PDIA4: variants seen among roughly 807,000 people sequenced by gnomAD.
The protein encoded by PDIA4 is protein disulfide isomerase family A member 4.
PDIA4 carries 33 observed loss-of-function variants against 62.1 expected under a neutral mutation model. That is an observed-to-expected ratio of 0.53 (90% CI 0.40 to 0.71). PDIA4 has a LOEUF of 0.71. Among genes scored for constraint, PDIA4 ranks in the 30% least tolerant of loss-of-function variants. The pLI is 0.00. For synonymous variants in PDIA4, 341 were observed against 324.1 expected (o/e 1.05, Z -0.56); for missense variants, 804 against 813.6 (o/e 0.99, Z 0.14).
At chr7:149,008,388 C>T (rs924638056) in intron 6 of PDIA4, 78 bp from the exon 7 acceptor site, 2 of 1,448,996 alleles carry the variant, frequency 1.4e-6, no homozygotes, top group African/African-American at 1.4e-5. Context: ...CCACATCAGC[C>T]AAAGCAAATG....
chr7:149,012,121 C>T, intron 5 of PDIA4, 34 bp downstream of exon 5: 5 of 1,610,318 alleles, frequency 3.1e-6, no homozygotes, highest in Non-Finnish European at 4.2e-6. Context: ...GTTTCCCTTC[C>T]CCACTGTAGT....
chr7:149,019,210 T>A lies in PDIA4; in HGVS notation c.270-13A>T, dbSNP rs1363095132. ...GCAATGTCCACACCTAACAATTAGA[T>A]TAGGAAGGGCAAAAAACGTTAACTG... On this transcript the variant is annotated splice_polypyrimidine_tract_variant and intron_variant, in intron 2 of 9. Coordinates refer to ENST00000652332, the MANE Select transcript of PDIA4 (RefSeq NM_004911.5). 2.5e-6 allele frequency: 4 copies of A among 1,589,864 alleles called. No homozygotes were observed. Among genetic ancestry groups the A allele is most frequent in the South Asian group, 2.2e-5 (2 of 90,610 alleles).
In PDIA4 at chr7:149,012,138, G is replaced by A; in HGVS notation, c.820+17C>T. 2 of 1,613,610 alleles carry A rather than the reference G, an allele frequency of 1.2e-6. No homozygotes were observed. Among genetic ancestry groups the A allele is most frequent in the South Asian group, 1.1e-5 (1 of 91,066 alleles). ...TTCCCTTCCCCACTGTAGTGGGAGA[G>A]AAGGGAGTGGCCATACCATATTTTT... is the stretch of plus-strand genomic sequence containing the variant. On this transcript the variant is annotated intron_variant, in intron 5 of 9. Coordinates refer to ENST00000652332, the MANE Select transcript of PDIA4 (RefSeq NM_004911.5).
chr7:149,026,785 C>T (rs1055709364), intron 1 of PDIA4, among the ~76,000 whole-genome samples: 2 of 140,468 alleles, frequency 1.4e-5, no homozygotes, highest in South Asian at 2.4e-4. Flanking sequence ...GGCAACAATG[C>T]GTAACCTTAT....
intron 6 of PDIA4, among the ~76,000 whole-genome samples, chr7:149,009,460 T>A (rs1306881358): frequency 6.6e-6 from 1 of 152,158 alleles, no homozygotes; most frequent in East Asian, 1.9e-4. Flanking sequence ...TATGTGGAGT[T>A]TTCACACCCA....
Position 149,011,928 on chromosome 7 carries a change from G to C in PDIA4, c.897C>G (p.Phe299Leu), listed in dbSNP as rs372415891. The C allele has an allele frequency of 3.1e-6, 5 of 1,610,246 alleles. No individual in the cohort carries two copies. Among genetic ancestry groups the C allele is most frequent in the Non-Finnish European group, 4.2e-6 (5 of 1,177,916 alleles). The change falls in exon 6 of 10, where the codon TTC becomes TTG. Residue 299 changes from phenylalanine to leucine, a missense_variant. Coordinates refer to ENST00000652332, the MANE Select transcript of PDIA4 (RefSeq NM_004911.5). Reference protein sequence around the residue: ...EILTLKQVQEFLKDGDDVIII... With the variant: ...EILTLKQVQELLKDGDDVIII... Reference sequence around the variant, plus strand: ...TGATGACATCGTCTCCATCCTTCAGGAACTCCTGGACCTGCTTCAGGGTCA... The same window carrying C: ...TGATGACATCGTCTCCATCCTTCAGCAACTCCTGGACCTGCTTCAGGGTCA...
chr7:149,019,403 C>G (rs934356654), intron 2 of PDIA4, among the ~76,000 whole-genome samples: 1 of 152,126 alleles, frequency 6.6e-6, no homozygotes, highest in East Asian at 1.9e-4. Flanking sequence ...TAGGCAAATG[C>G]ACTTTCACGA....
chr7:149,027,992 T>G, intron 1 of PDIA4: 1 of 543,410 alleles, frequency 1.8e-6, no homozygotes, highest in Non-Finnish European at 3.6e-6. Context: ...CTGACGAAAA[T>G]CTGTAAATTA....
chr7:149,012,257 C>T lies in PDIA4; in HGVS notation c.718G>A (p.Glu240Lys). Reference protein sequence around the residue: ...IPLAKVDATAETDLAKRFDVS... With the variant: ...IPLAKVDATAKTDLAKRFDVS... ...TCAAACCTCTTGGCCAGGTCTGTTT[C>T]TGCGGTGGCGTCGACCTTTGCCAGG... Residue 240 changes from glutamate (E) to lysine (K), a missense_variant, in exon 5 of 10, where the codon GAA becomes AAA. Transcript: ENST00000652332. 1.2e-6 allele frequency: 2 copies of T among 1,614,192 alleles called. No individual in the cohort carries two copies. The highest frequency in any genetic ancestry group is 1.7e-6 in the Non-Finnish European group (2 of 1,180,028).
intron 3 of PDIA4, among the ~76,000 whole-genome samples, chr7:149,016,318 C>A (rs1454162298): frequency 6.6e-6 from 1 of 152,132 alleles, no homozygotes; most frequent in Non-Finnish European, 1.5e-5. Context: ...AAGTACTCAA[C>A]TTTCAATTTG....
chr7:149,006,020 C>G lies in PDIA4; in HGVS notation c.1165G>C (p.Val389Leu), dbSNP rs764223892. The change falls in exon 8 of 10, where the codon GTG becomes CTG. Residue 389 changes from valine (V) to leucine (L), a missense_variant. By Grantham distance (32) the Val-to-Leu change is conservative. Coordinates refer to ENST00000652332, the MANE Select transcript of PDIA4 (RefSeq NM_004911.5). ...STQDSAIKDF[V>L]LKYALPLVGH... ...ACCAGGGGCAGGGCGTACTTCAGCA[C>G]GAAGTCCTTGATGGCCGAGTCCTGG... 2 of 1,564,368 alleles carry G rather than the reference C, an allele frequency of 1.3e-6. No homozygotes were observed. Among genetic ancestry groups the G allele is most frequent in the East Asian group, 4.9e-5 (2 of 40,870 alleles).
intron 1 of PDIA4, among the ~76,000 whole-genome samples, chr7:149,024,567 T>C (rs955497456): frequency 6.6e-6 from 1 of 151,774 alleles, no homozygotes. Flanking sequence ...ATCCACGTGC[T>C]CCTCTGGGAG....
At chr7:149,017,776 A>T (rs981854267) in intron 3 of PDIA4, among the ~76,000 whole-genome samples, 2 of 152,230 alleles carry the variant, frequency 1.3e-5, no homozygotes, top group Admixed American at 6.5e-5. Flanking sequence ...AATAAAATGC[A>T]TGTAGTGTCT....
chr7:149,014,772 G>A (rs963490627), intron 4 of PDIA4, 132 bp downstream of exon 4: 9 of 763,040 alleles, frequency 1.2e-5, no homozygotes, highest in African/African-American at 1.1e-4. Context: ...AAGACCTGGA[G>A]CCTCAATCCT....
chr7:149,005,372 T>C lies in PDIA4; in HGVS notation c.1291A>G (p.Thr431Ala). 1 of 1,611,208 alleles carries C rather than the reference T, an allele frequency of 6.2e-7. No homozygotes were observed. Among genetic ancestry groups the C allele is most frequent in the Non-Finnish European group, 8.5e-7 (1 of 1,177,380 alleles). The change falls in exon 9 of 10, where the codon ACT (threonine) becomes GCT (alanine). Residue 431 changes from threonine (T) to alanine (A), a missense_variant and splice_region_variant. By Grantham distance (58) the Thr-to-Ala change is moderately conservative. Transcript: ENST00000652332. ...VDFSFDYRAA[T>A]QFWRSKVLEV... ...AGGACTTTGCTCCGCCAAAACTGAGTTGCTGAAAGGGACCAAGGGCCATAA... is the reference window on the plus strand; with the variant it reads ...AGGACTTTGCTCCGCCAAAACTGAGCTGCTGAAAGGGACCAAGGGCCATAA...
At chr7:149,007,371 G>T (rs888475299) in intron 7 of PDIA4, among the ~76,000 whole-genome samples, 1 of 152,184 alleles carries the variant, frequency 6.6e-6, no homozygotes, top group African/African-American at 2.4e-5. Flanking sequence ...TGACACTATG[G>T]GCCAGTAGGA....
At chr7:149,008,791 T>C (rs926967299) in intron 6 of PDIA4, among the ~76,000 whole-genome samples, 1 of 151,614 alleles carries the variant, frequency 6.6e-6, no homozygotes, top group Admixed American at 6.6e-5. Flanking sequence ...ACTTAAACAC[T>C]TGAAAGGAGG....
At chr7:149,008,664 C>T (rs113041174) in intron 6 of PDIA4, among the ~76,000 whole-genome samples, 1,795 of 151,378 alleles carry the variant, frequency 0.012, 27 homozygotes, top group African/African-American at 0.041. Context: ...GCCGAGATCA[C>T]GCCACTGTGT....
At chr7:149,025,488 G>T (rs968625862) in intron 1 of PDIA4, among the ~76,000 whole-genome samples, 3 of 152,180 alleles carry the variant, frequency 2.0e-5, no homozygotes, top group African/African-American at 7.2e-5. Context: ...ATGATAGCTG[G>T]TATTTATTGT....
Sources: gnomAD v4.1 joint callset for allele counts (sites outside exome capture counted in the v4.1 genomes callset) on GRCh38, gnomAD v4.1.1 for gene constraint, MANE v1.5 for transcripts, NCBI Gene and HGNC (gene_info 2026-07-23, HGNC 2026-07-21) for gene names.